The following TPSD1 variants were observed in gnomAD, a reference collection of about 807,000 sequenced individuals.
TPSD1 encodes the protein tryptase delta 1.
TPSD1 carries 30 observed loss-of-function variants against 25.4 expected under a neutral mutation model. The observed-to-expected ratio is 1.18, with a 90% CI of 0.88 to 1.60. The LOEUF (loss-of-function observed/expected upper bound fraction) is 1.60, where lower values mean the gene tolerates loss of function less well. TPSD1 is among the 40% of genes most tolerant of loss of function. The pLI is 0.00. For synonymous variants in TPSD1, 176 were observed against 149.4 expected (o/e 1.18, Z -1.30); for missense variants, 420 against 324.2 (o/e 1.30, Z -2.27).
rs1247012364 is a variant in TPSD1 at position 1,258,620 on chromosome 16, ATCCTGAGCCCTGTCCCCTG to A, written c.*255_*273del. ...TCCCCCATCCTGAGTCCCCTCTCCC[ATCCTGAGCCCTGTCCCCTG>A]TCCTGAGCCCCCTCCCCTTTCTTGA... On this transcript the variant is annotated 3_prime_UTR_variant, in exon 5 of 5. Transcript: ENST00000211076. The A allele has an allele frequency of 1.4e-5, 13 of 931,822 alleles. No individual in the cohort carries two copies. Among genetic ancestry groups the A allele is most frequent in the Middle Eastern group, 3.5e-4 (1 of 2,892 alleles). The allele number at this position is 931,822 out of a possible 1,614,324, so 57.7% of individuals were successfully genotyped here.
chr16:1,257,098 G>A lies in TPSD1; in HGVS notation c.520+36G>A, dbSNP rs775655861. 7 of 1,557,856 alleles carry A rather than the reference G, an allele frequency of 4.5e-6. 1 individual carries two copies. The highest frequency in any genetic ancestry group is 4.0e-5 in the African/African-American group (3 of 74,326). On this transcript the variant is annotated intron_variant, in intron 3 of 4. Transcript: ENST00000211076. ...GGGACAGCGGGAGGCCGGGCCAGGT[G>A]GGCACCAAGTCACAGCCACAGGCCA...
Position 1,258,583 on chromosome 16 carries a change from C to A in TPSD1, c.*207C>A, listed in dbSNP as rs2031029372. The A allele has an allele frequency of 2.1e-6, 3 of 1,456,452 alleles. No homozygotes were observed. The highest frequency in any genetic ancestry group is 1.3e-5 in the South Asian group (1 of 77,836). The allele number at this position is 1,456,452 out of a possible 1,614,324, so 90.2% of individuals were successfully genotyped here. A position where few individuals can be genotyped will look rare whatever the true frequency, so the allele number is the denominator to read the frequency against. On this transcript the variant is annotated 3_prime_UTR_variant, in exon 5 of 5. Transcript: ENST00000211076. ...CTGCTTCCTACCCAGGTGGTGACTG[C>A]CCCCCACACCTTCCCCCATCCTGAG...
At position 1,256,787 on chromosome 16, in the gene TPSD1, C is replaced by T. The variant is rs778908150; in HGVS notation, c.255-10C>T. 53 of 1,612,138 alleles carry T rather than the reference C, an allele frequency of 3.3e-5. No individual in the cohort carries two copies. Among genetic ancestry groups the T allele is most frequent in the South Asian group, 3.3e-5 (3 of 91,022 alleles). ...GCCCAGGGCCCTGAGTGGGATCCTC[C>T]GCTGCCCAGGGACATCAAGGATCTG... On this transcript the variant is annotated splice_polypyrimidine_tract_variant and intron_variant, in intron 2 of 4. Transcript: ENST00000211076.
chr16:1,257,900 G>A (rs2031009055), intron 3 of TPSD1, 159 bp from the exon 4 acceptor site: 2 of 753,318 alleles, frequency 2.7e-6, no homozygotes, highest in East Asian at 2.7e-5. Context: ...CTCAGCGGAG[G>A]GGCCTGGACT....
chr16:1,258,525 C>G lies in TPSD1; in HGVS notation c.*149C>G. 9 of 1,603,812 alleles carry G rather than the reference C, an allele frequency of 5.6e-6. No homozygotes were observed. The highest frequency in any genetic ancestry group is 7.7e-6 in the Non-Finnish European group (9 of 1,174,346). On this transcript the variant is annotated 3_prime_UTR_variant, in exon 5 of 5. Transcript: ENST00000211076. ...AGGCCTGGGGTGTCCACCCGGGTCACTGGAGGGCCAGCCCCTCCTGTCCAA... is the reference window on the plus strand; with the variant it reads ...AGGCCTGGGGTGTCCACCCGGGTCAGTGGAGGGCCAGCCCCTCCTGTCCAA...
Position 1,257,131 on chromosome 16 carries a change from G to T in TPSD1, c.520+69G>T. On this transcript the variant is annotated intron_variant, in intron 3 of 4. Coordinates refer to ENST00000211076, the MANE Select transcript of TPSD1 (RefSeq NM_012217.3). ...AGTCACAGCCACAGGCCAGTCCGTGGGGTGACAGGGTCCCTCAGGGCGGCT... is the reference window on the plus strand; with the variant it reads ...AGTCACAGCCACAGGCCAGTCCGTGTGGTGACAGGGTCCCTCAGGGCGGCT... 8 of 1,507,958 alleles carry T rather than the reference G, an allele frequency of 5.3e-6. No homozygotes were observed. The South Asian group carries it at 9.1e-5, about 17-fold the overall frequency. The allele number at this position is 1,507,958 out of a possible 1,614,324, so 93.4% of individuals were successfully genotyped here.
rs2031008173 is a variant in TPSD1 at position 1,257,839 on chromosome 16, C to T, written c.521-220C>T. The T allele has an allele frequency of 3.3e-6, 2 of 609,186 alleles. 1 individual carries two copies. Among genetic ancestry groups the T allele is most frequent in the South Asian group, 4.0e-5 (2 of 49,718 alleles). 37.7% of individuals were successfully genotyped at this position (609,186 alleles called of 1,614,324 possible). A position where few individuals can be genotyped will look rare whatever the true frequency, so the allele number is the denominator to read the frequency against. ...CAGCTTGGCAACCTCCAGGGCCCTC[C>T]CCTCCCTTCCCCAGATGGGGCTTAA... On this transcript the variant is annotated intron_variant, in intron 3 of 4. Transcript: ENST00000211076.
Position 1,258,214 on chromosome 16 carries a change from T to A in TPSD1, c.676T>A (p.Ser226Thr). Residue 226 changes from serine (S) to threonine (T), a missense_variant, in exon 4 of 5, where the codon TCC becomes ACC. Coordinates refer to ENST00000211076, the MANE Select transcript of TPSD1 (RefSeq NM_012217.3). ...GTGTGCGGGGAGCGAAAATCACGACTCCTGCCAGGTGGGCCCTCGCGTCCC... is the reference window on the plus strand; with the variant it reads ...GTGTGCGGGGAGCGAAAATCACGACACCTGCCAGGTGGGCCCTCGCGTCCC... Reference protein sequence around the residue: ...MLCAGSENHDSCQGDSGGPLV... With the variant: ...MLCAGSENHDTCQGDSGGPLV... The A allele has an allele frequency of 3.1e-6, 5 of 1,613,010 alleles. No individual in the cohort carries two copies. The highest frequency in any genetic ancestry group is 4.2e-6 in the Non-Finnish European group (5 of 1,179,852).
chr16:1,256,673 G>T lies in TPSD1; in HGVS notation c.240G>T (p.Ala80=), dbSNP rs569303909. The change falls in exon 2 of 5, where the codon GCG becomes GCT. Residue 80 remains alanine, a synonymous_variant. Transcript: ENST00000211076. ...ACCCCCAGTGGGTGCTAACCGCGGCGCACTGCGTGGAACCGTGAGTCTCCT... is the reference window on the plus strand; with the variant it reads ...ACCCCCAGTGGGTGCTAACCGCGGCTCACTGCGTGGAACCGTGAGTCTCCT... ...LIHPQWVLTA[A]HCVEPDIKDL... The T allele has an allele frequency of 6.2e-7, 1 of 1,611,398 alleles. No homozygotes were observed. The highest frequency in any genetic ancestry group is 8.5e-7 in the Non-Finnish European group (1 of 1,178,872).
At position 1,258,181 on chromosome 16, in the gene TPSD1, G is replaced by A; in HGVS notation, c.643G>A (p.Asp215Asn). Residue 215 changes from aspartate (D) to asparagine (N), a missense_variant, in exon 4 of 5, where the codon GAC becomes AAC. Asp to Asn is a conservative substitution (Grantham distance 23, BLOSUM62 1). Coordinates refer to ENST00000211076, the MANE Select transcript of TPSD1 (RefSeq NM_012217.3). ...CCACAGCTTTCAAATCGTCCGCGAT[G>A]ACATGCTGTGTGCGGGGAGCGAAAA... is the stretch of plus-strand genomic sequence containing the variant. ...TGHSFQIVRD[D>N]MLCAGSENHD... is the part of the protein sequence containing the mutation. 1 of 1,613,192 alleles carries A rather than the reference G, an allele frequency of 6.2e-7. No individual in the cohort carries two copies. Among genetic ancestry groups the A allele is most frequent in the Non-Finnish European group, 8.5e-7 (1 of 1,179,906 alleles).
Position 1,257,070 on chromosome 16 carries a change from T to A in TPSD1, c.520+8T>A, listed in dbSNP as rs766994655. On this transcript the variant is annotated splice_region_variant and intron_variant, in intron 3 of 4. Coordinates refer to ENST00000211076, the MANE Select transcript of TPSD1 (RefSeq NM_012217.3). Reference sequence around the variant, plus strand: ...GCGACGTGGACAATAATGGTGGGTGTTGGGGACAGCGGGAGGCCGGGCCAG... The same window carrying A: ...GCGACGTGGACAATAATGGTGGGTGATGGGGACAGCGGGAGGCCGGGCCAG... The A allele has an allele frequency of 2.0e-5, 32 of 1,590,852 alleles. No individual in the cohort carries two copies. The highest frequency in any genetic ancestry group is 2.7e-5 in the Non-Finnish European group (31 of 1,168,232).
chr16:1,258,664 A>AG lies in TPSD1; in HGVS notation c.*288_*289insG, dbSNP rs1157476068. ...GTCCTGAGCCCCCTCCCCTTTCTTG[A>AG]TCCCCTCCCCCATCCTGAGCCCCTC... On this transcript the variant is annotated 3_prime_UTR_variant, in exon 5 of 5. Transcript: ENST00000211076. 7.9e-5 allele frequency: 27 copies of AG among 342,826 alleles called. No individual in the cohort carries two copies. The African/African-American group carries it at 1.4e-3, about 17-fold the overall frequency. 21.2% of individuals were successfully genotyped at this position (342,826 alleles called of 1,614,324 possible).
chr16:1,257,254 C>T (rs1415877462), intron 3 of TPSD1, 192 bp downstream of exon 3: 10 of 748,768 alleles, frequency 1.3e-5, no homozygotes, highest in East Asian at 5.4e-5. Flanking sequence ...AGGGCCTGGG[C>T]GTCCCCCACC....
In TPSD1 at chr16:1,256,554, G is replaced by C; in HGVS notation, c.121G>C (p.Gly41Arg). The C allele has an allele frequency of 6.3e-7, 1 of 1,599,428 alleles. No homozygotes were observed. Among genetic ancestry groups the C allele is most frequent in the Non-Finnish European group, 8.5e-7 (1 of 1,176,538 alleles). ...CCTGCAGCAAACGGGCATTGTTGGG[G>C]GGCAGGAGGCCCCCAGGAGCAAGTG... The part of the protein sequence containing the change: ...QALQQTGIVG[G>R]QEAPRSKWPW... The change falls in exon 2 of 5, where the codon GGG becomes CGG. Residue 41 changes from glycine (G) to arginine (R), a missense_variant. By Grantham distance (125) the Gly-to-Arg change is moderately radical. Coordinates refer to ENST00000211076, the MANE Select transcript of TPSD1 (RefSeq NM_012217.3).
rs113112799 is a variant in TPSD1 at position 1,258,315 on chromosome 16, A to T, written c.685-17A>T. On this transcript the variant is annotated splice_polypyrimidine_tract_variant and intron_variant, in intron 4 of 4. Coordinates refer to ENST00000211076, the MANE Select transcript of TPSD1 (RefSeq NM_012217.3). ...CCCGAAGCCTGGCCAGCGAGCACTGACCTCTGACCTTCCCAGGGTGACTCT... is the reference window on the plus strand; with the variant it reads ...CCCGAAGCCTGGCCAGCGAGCACTGTCCTCTGACCTTCCCAGGGTGACTCT... 31 of 1,603,658 alleles carry T rather than the reference A, an allele frequency of 1.9e-5. No individual in the cohort carries two copies. In the African/African-American group the frequency reaches 3.9e-4, roughly 20 times the overall value.
At chr16:1,257,965 G>C in intron 3 of TPSD1, 94 bp from the exon 4 acceptor site, 2 of 1,360,046 alleles carry the variant, frequency 1.5e-6, no homozygotes, top group South Asian at 2.7e-5. Flanking sequence ...TGGGCCCATG[G>C]TGCCATCTCC....
intron 3 of TPSD1, 115 bp from the exon 4 acceptor site, chr16:1,257,944 C>G (rs1486406407): frequency 3.4e-6 from 4 of 1,171,584 alleles, no homozygotes; most frequent in African/African-American, 1.5e-5. Flanking sequence ...GCTGCAGGCA[C>G]AGAACAGCAC....
At position 1,256,374 on chromosome 16, in the gene TPSD1, C is replaced by T. The variant is rs1374073413; in HGVS notation, c.82+12C>T. The T allele has an allele frequency of 2.5e-6, 4 of 1,612,502 alleles. No homozygotes were observed. The highest frequency in any genetic ancestry group is 3.4e-6 in the Non-Finnish European group (4 of 1,179,610). On this transcript the variant is annotated intron_variant, in intron 1 of 4. Coordinates refer to ENST00000211076, the MANE Select transcript of TPSD1 (RefSeq NM_012217.3). The stretch of plus-strand genomic sequence containing the variant: ...CTACGTGGCCCCTGGTGAGTCCCAG[C>T]CGGGGTCCACCCTGCCCCTCACCAC...
Position 1,258,052 on chromosome 16 carries a change from C to T in TPSD1, c.521-7C>T. On this transcript the variant is annotated splice_region_variant and splice_polypyrimidine_tract_variant and intron_variant, in intron 3 of 4. Coordinates refer to ENST00000211076, the MANE Select transcript of TPSD1 (RefSeq NM_012217.3). ...AGACCCGGCTCCACGCCCCCCTCCG[C>T]CCCCAGTGCACCTGCCGCCGCCATA... is the stretch of plus-strand genomic sequence containing the variant. 1.3e-6 allele frequency: 2 copies of T among 1,570,774 alleles called. No homozygotes were observed.
Sources: allele counts gnomAD v4.1 joint callset, GRCh38; gene constraint gnomAD v4.1.1; transcripts MANE v1.5; gene names NCBI Gene and HGNC (gene_info 2026-07-23, HGNC 2026-07-21).